Variants in PARVA observed in about 807,000 individuals in gnomAD.
PARVA encodes alpha-parvin.
A neutral mutation model predicts 52.6 loss-of-function variants in PARVA; 25 were observed. The observed-to-expected ratio is 0.48, with a 90% CI of 0.35 to 0.66. PARVA has a LOEUF of 0.66. Among genes scored for constraint, PARVA ranks in the 30% least tolerant of loss-of-function variants. The pLI, the probability that PARVA is intolerant of heterozygous loss-of-function variation, is 0.01. For synonymous variants in PARVA, 185 were observed against 179.1 expected (o/e 1.03, Z -0.26); for missense variants, 373 against 450.9 (o/e 0.83, Z 1.56).
At chr11:12,502,249 T>C (rs543042863) in intron 5 of PARVA, among the ~76,000 whole-genome samples, 2 of 152,294 alleles carry the variant, frequency 1.3e-5, no homozygotes, top group East Asian at 3.9e-4. Flanking sequence ...GAAGTAGCAG[T>C]GATAACCAGA....
chr11:12,526,152 T>G (rs1564871612), intron 12 of PARVA, among the ~76,000 whole-genome samples: 1 of 152,138 alleles, frequency 6.6e-6, no homozygotes, highest in Admixed American at 6.5e-5. Context: ...CACTAAAATC[T>G]CAGAATTCAC....
chr11:12,527,797 T>C (rs1259857037), intron 12 of PARVA, 52 bp from the exon 13 acceptor site: 1 of 1,402,892 alleles, frequency 7.1e-7, no homozygotes, highest in African/African-American at 1.4e-5. Context: ...TATGCCAGCT[T>C]TGGAACATGT....
rs202042601 is a variant in PARVA, at chr11:12,511,524, G to A, written c.727G>A (p.Gly243Arg). 9.3e-6 allele frequency: 15 copies of A among 1,613,336 alleles called. 1 individual carries two copies. The highest frequency in any genetic ancestry group is 6.6e-5 in the South Asian group (6 of 90,846). The part of the protein sequence containing the change: ...EITGNTEALS[G>R]RHERDAFDTL... Reference sequence around the variant, plus strand: ...CTCTTTTTCCTCCAGGGCTCTTTCCGGGAGGCATGGTAAGTCACATAAGAT... The same window carrying A: ...CTCTTTTTCCTCCAGGGCTCTTTCCAGGAGGCATGGTAAGTCACATAAGAT... Residue 243 changes from glycine (G) to arginine (R), a missense_variant, in exon 8 of 13, where the codon GGG (glycine) becomes AGG (arginine). Coordinates refer to ENST00000334956, the MANE Select transcript of PARVA (RefSeq NM_018222.5).
chr11:12,502,652 G>A (rs1941377681), intron 5 of PARVA, among the ~76,000 whole-genome samples: 1 of 152,056 alleles, frequency 6.6e-6, no homozygotes, highest in East Asian at 1.9e-4. Flanking sequence ...AAACTCCCAG[G>A]AGACATGTCG....
intron 3 of PARVA, among the ~76,000 whole-genome samples, chr11:12,474,301 G>C (rs138008937): frequency 3.9e-5 from 6 of 152,104 alleles, no homozygotes; most frequent in Non-Finnish European, 7.4e-5. Context: ...GCAGGCAGTG[G>C]AGCAGTAATT....
chr11:12,511,206 T>C (rs1241711537), intron 7 of PARVA, among the ~76,000 whole-genome samples: 2 of 152,190 alleles, frequency 1.3e-5, no homozygotes, highest in South Asian at 2.1e-4. Flanking sequence ...CTGCAGGCAA[T>C]AATATGACTT....
In PARVA at chr11:12,508,109, A is replaced by AC. The variant is rs1324147773; in HGVS notation, c.658-475_658-474insC. On this transcript the variant is annotated intron_variant, in intron 6 of 12. Transcript: ENST00000334956. ...CCCATATTTATCAGTTAAAAAAAAA[A>AC]AAAAAAAAAAAAACCAAAAAAAAAA... 1.3e-4 allele frequency among the ~76,000 whole-genome samples: 17 copies of AC among 127,362 alleles called. 1 individual carries two copies. The highest frequency in any genetic ancestry group is 5.8e-4 in the African/African-American group (17 of 29,114). 83.6% of individuals were successfully genotyped at this position (127,362 alleles called of 152,430 possible).
chr11:12,525,688 G>T (rs1360360078), intron 12 of PARVA, among the ~76,000 whole-genome samples: 1 of 152,106 alleles, frequency 6.6e-6, no homozygotes, highest in Non-Finnish European at 1.5e-5. Context: ...GCAAGGCAAG[G>T]TAGCAGGACT....
At chr11:12,420,007 A>G (rs1251765373) in intron 1 of PARVA, among the ~76,000 whole-genome samples, 2 of 152,320 alleles carry the variant, frequency 1.3e-5, no homozygotes, top group East Asian at 3.9e-4. Flanking sequence ...TAAATCAACT[A>G]TATTAATTAT....
At chr11:12,395,108 A>AG (rs1201392621) in intron 1 of PARVA, among the ~76,000 whole-genome samples, 2 of 149,944 alleles carry the variant, frequency 1.3e-5, no homozygotes, top group Non-Finnish European at 2.9e-5. Context: ...AAAAAAAAAA[A>AG]GAAAGAAGAG....
At position 12,517,714 on chromosome 11, in the gene PARVA, AAGG is replaced by A. The variant is rs1430913993; in HGVS notation, c.969+6_969+8del. 1 of 1,587,450 alleles carries A rather than the reference AAGG, an allele frequency of 6.3e-7. No individual in the cohort carries two copies. Among genetic ancestry groups the A allele is most frequent in the South Asian group, 1.1e-5 (1 of 87,178 alleles). On this transcript the variant is annotated splice_donor_5th_base_variant and intron_variant, in intron 11 of 12. Coordinates refer to ENST00000334956, the MANE Select transcript of PARVA (RefSeq NM_018222.5). ...CCCCGGACAGCTTTGAACAGAAGGT[AAGG>A]AGAAGGGACATCAAGGGAGGCCCCC...
At chr11:12,494,195 T>C (rs946250536) in intron 4 of PARVA, among the ~76,000 whole-genome samples, 4 of 152,220 alleles carry the variant, frequency 2.6e-5, no homozygotes, top group Admixed American at 6.5e-5. Context: ...AGCACCTTTA[T>C]ATATTTACCA....
At chr11:12,413,909 G>A (rs11022348) in intron 1 of PARVA, among the ~76,000 whole-genome samples, 37,855 of 152,156 alleles carry the variant, frequency 0.25, 6,291 homozygotes, top group African/African-American at 0.47. Context: ...GCACAAAACA[G>A]TAACTTAAGG....
At chr11:12,413,032 G>A (rs1486769081) in intron 1 of PARVA, among the ~76,000 whole-genome samples, 3 of 152,214 alleles carry the variant, frequency 2.0e-5, no homozygotes, top group Non-Finnish European at 2.9e-5. Context: ...GTTATTAAGA[G>A]TAATAATAAC....
chr11:12,496,423 A>T (rs376215069), intron 4 of PARVA, 35 bp from the exon 5 acceptor site: 64 of 1,592,720 alleles, frequency 4.0e-5, no homozygotes, highest in Middle Eastern at 3.3e-4. Flanking sequence ...GGGGCCCAGC[A>T]TAACAGCTGT....
chr11:12,484,311 T>A (rs1463192009), intron 4 of PARVA, among the ~76,000 whole-genome samples: 1 of 152,184 alleles, frequency 6.6e-6, no homozygotes, highest in African/African-American at 2.4e-5. Context: ...ATTTGACTGA[T>A]CCTTATGTTT....
intron 5 of PARVA, among the ~76,000 whole-genome samples, chr11:12,500,934 C>T (rs914929635): frequency 3.3e-5 from 5 of 152,070 alleles, no homozygotes; most frequent in African/African-American, 1.2e-4. Context: ...CATGGTGAAA[C>T]TCCCTCTTTA....
intron 12 of PARVA, among the ~76,000 whole-genome samples, chr11:12,526,571 A>C (rs901767489): frequency 1.3e-5 from 2 of 152,180 alleles, no homozygotes; most frequent in Non-Finnish European, 2.9e-5. Flanking sequence ...GCCACCACCC[A>C]GGACAAAGAA....
In PARVA at chr11:12,458,199, C is replaced by T. The variant is rs561231155; in HGVS notation, c.137-15546C>T. ...CGCACAAGCTCCAAAACTTCAGCCC[C>T]GTTCCCAGGAAGGTGTCTCTTCCCA... On this transcript the variant is annotated intron_variant, in intron 1 of 12. Transcript: ENST00000334956. 5.3e-5 allele frequency among the ~76,000 whole-genome samples: 8 copies of T among 152,360 alleles called. No homozygotes were observed. The East Asian group carries it at 1.5e-3, about 29-fold the overall frequency.
Sources: allele counts gnomAD v4.1 joint callset (sites outside exome capture counted in the v4.1 genomes callset), GRCh38; gene constraint gnomAD v4.1.1; transcripts MANE v1.5; gene names NCBI Gene and HGNC (gene_info 2026-07-23, HGNC 2026-07-21).